RILPL1: variants seen among roughly 807,000 people sequenced by gnomAD.
RILPL1 encodes Rab interacting lysosomal protein like 1, also known as RILP-like protein 1.
RILPL1 carries 33 observed loss-of-function variants against 50.3 expected under a neutral mutation model. The ratio of observed to expected loss-of-function variants is 0.66; its 90% CI spans 0.50 to 0.88. RILPL1 has a LOEUF of 0.88. RILPL1 is among the 40% of genes least tolerant of loss of function. RILPL1 has a pLI of 0.00. For missense variants in RILPL1, 418 were observed against 542.5 expected (o/e 0.77, Z 2.28); for synonymous variants, 205 against 228.6 (o/e 0.90, Z 0.93).
chr12:123,478,995 C>G (rs1199425236), intron 6 of RILPL1, among the ~76,000 whole-genome samples: 1 of 152,180 alleles, frequency 6.6e-6, no homozygotes, highest in Non-Finnish European at 1.5e-5. Flanking sequence ...GGCAGCAAAA[C>G]AGTTCCCTTG....
At chr12:123,526,191 C>T (rs1005472333) in intron 1 of RILPL1, among the ~76,000 whole-genome samples, 2 of 151,606 alleles carry the variant, frequency 1.3e-5, no homozygotes, top group African/African-American at 2.4e-5. Context: ...CTGTAATCCC[C>T]GCTACTTGGG....
rs368525467 is a variant in RILPL1 at position 123,517,423 on chromosome 12, TG to T, written c.460+6071del. Among the ~76,000 whole-genome samples the T allele has an allele frequency of 2.2e-3, 287 of 130,324 alleles. 1 individual carries two copies. Among genetic ancestry groups the T allele is most frequent in the South Asian group, 0.017 (75 of 4,318 alleles). The allele number at this position is 130,324 out of a possible 152,430, so 85.5% of individuals were successfully genotyped here. ...GAGGGCACAGCAATTTTGTTGTTATTGTTTTTTTTTTTTTTTTTTGCGAGTC... is the reference window on the plus strand; with the variant it reads ...GAGGGCACAGCAATTTTGTTGTTATTTTTTTTTTTTTTTTTTTTGCGAGTC... On this transcript the variant is annotated intron_variant, in intron 2 of 6. Transcript: ENST00000376874.
intron 2 of RILPL1, among the ~76,000 whole-genome samples, chr12:123,517,412 TTTG>T (rs1593596255): frequency 6.8e-6 from 1 of 146,644 alleles, no homozygotes; most frequent in African/African-American, 2.6e-5. Flanking sequence ...GCACAGCAAT[TTTG>T]TTGTTATTGT....
chr12:123,533,133 G>A lies in RILPL1; in HGVS notation c.309+41C>T. 6.7e-7 allele frequency: 1 copy of A among 1,487,984 alleles called. No individual in the cohort carries two copies. Among genetic ancestry groups the A allele is most frequent in the Non-Finnish European group, 9.0e-7 (1 of 1,117,146 alleles). The allele number at this position is 1,487,984 out of a possible 1,614,324, so 92.2% of individuals were successfully genotyped here. ...TGCGGAAGAGCCCTTGGGTCCCCGC[G>A]GTCCCACTGCCCGGACGGACAGACC... On this transcript the variant is annotated intron_variant, in intron 1 of 6. Coordinates refer to ENST00000376874, the MANE Select transcript of RILPL1 (RefSeq NM_178314.5). This position sits in a 1 kb window ranked among gnomAD's most constrained non-coding sequence, Gnocchi z 6.2.
intron 4 of RILPL1, among the ~76,000 whole-genome samples, chr12:123,490,568 G>A (rs1882625247): frequency 6.6e-6 from 1 of 151,926 alleles, no homozygotes; most frequent in African/African-American, 2.4e-5. Flanking sequence ...ATCCCAGCAA[G>A]GTATGCAAAA....
At chr12:123,511,708 CTGTG>C (rs754039571) in intron 2 of RILPL1, among the ~76,000 whole-genome samples, 74 of 63,060 alleles carry the variant, frequency 1.2e-3, no homozygotes, top group Non-Finnish European at 1.5e-3. Context: ...GGTGTGAGAT[CTGTG>C]TGTGTGTGAG....
chr12:123,511,128 CTA>C (rs144372679), intron 2 of RILPL1, among the ~76,000 whole-genome samples: 9 of 99,578 alleles, frequency 9.0e-5, no homozygotes, highest in African/African-American at 1.3e-4. Context: ...TGTGTGAGGT[CTA>C]TGTGTGTGTG....
chr12:123,530,719 TTG>T (rs1885415325), intron 1 of RILPL1, among the ~76,000 whole-genome samples: 1 of 152,222 alleles, frequency 6.6e-6, no homozygotes, highest in Non-Finnish European at 1.5e-5. Context: ...TAGAATTTAT[TTG>T]TGTTTTCCCT....
rs536373065 is a variant in RILPL1 at position 123,470,859 on chromosome 12, C to T, written c.*1679G>A. 2.0e-5 allele frequency: 3 copies of T among 152,180 alleles called. No individual in the cohort carries two copies. Among genetic ancestry groups the T allele is most frequent in the Admixed American group, 2.0e-4 (3 of 15,244 alleles). 9.4% of individuals were successfully genotyped at this position (152,180 alleles called of 1,614,324 possible). A position where few individuals can be genotyped will look rare whatever the true frequency, so the allele number is the denominator to read the frequency against. The stretch of plus-strand genomic sequence containing the variant: ...TTTTGGTTACCTGTTGGAAGGGCAA[C>T]AAAGGTGGCCAGGGGTGGGAGAGAA... On this transcript the variant is annotated 3_prime_UTR_variant, in exon 7 of 7. Coordinates refer to ENST00000376874, the MANE Select transcript of RILPL1 (RefSeq NM_178314.5).
chr12:123,499,389 TG>T (rs1566125732), intron 3 of RILPL1, 28 bp downstream of exon 3: 1 of 1,497,328 alleles, frequency 6.7e-7, no homozygotes. Flanking sequence ...GCTGGGAGGG[TG>T]GACGCAGGTC....
At chr12:123,479,027 G>A (rs1442583417) in intron 6 of RILPL1, among the ~76,000 whole-genome samples, 1 of 152,170 alleles carries the variant, frequency 6.6e-6, no homozygotes, top group Non-Finnish European at 1.5e-5. Context: ...CTAGAAATGT[G>A]AAGTCTGACG....
intron 6 of RILPL1, among the ~76,000 whole-genome samples, chr12:123,479,502 A>G (rs1327670906): frequency 6.6e-6 from 1 of 152,040 alleles, no homozygotes; most frequent in African/African-American, 2.4e-5. Flanking sequence ...CGCCTCAGAA[A>G]CTGTCATTCC....
chr12:123,477,337 C>CTTTTTTTT (rs371346379), intron 6 of RILPL1, among the ~76,000 whole-genome samples: 43 of 105,340 alleles, frequency 4.1e-4, no homozygotes, highest in Non-Finnish European at 5.3e-4. Flanking sequence ...TTCTTTCTTT[C>CTTTTTTTT]TTTTTTTTTT....
At chr12:123,511,771 G>C (rs1445523574) in intron 2 of RILPL1, among the ~76,000 whole-genome samples, 4 of 134,266 alleles carry the variant, frequency 3.0e-5, no homozygotes, top group Admixed American at 7.4e-5. Flanking sequence ...TGTGAGGTTT[G>C]TGTGTGTGTG....
rs570115202 is a variant in RILPL1, at chr12:123,525,656, G to A, written c.310-2011C>T. ...GTGGAGGTTGTGGTGAGCTGGGATT[G>A]TACCACTGCACTCCAGCCTGGGTGA... is the stretch of plus-strand genomic sequence containing the variant. On this transcript the variant is annotated intron_variant, in intron 1 of 6. Coordinates refer to ENST00000376874, the MANE Select transcript of RILPL1 (RefSeq NM_178314.5). 1.4e-3 allele frequency among the ~76,000 whole-genome samples: 184 copies of A among 132,742 alleles called. 1 individual carries two copies. The Middle Eastern group carries it at 0.035, about 25-fold the overall frequency. 87.1% of individuals were successfully genotyped at this position (132,742 alleles called of 152,430 possible).
intron 4 of RILPL1, among the ~76,000 whole-genome samples, chr12:123,488,375 A>C (rs1882478696): frequency 6.7e-6 from 1 of 149,312 alleles, no homozygotes; most frequent in African/African-American, 2.5e-5. Context: ...CAGGAAGTGG[A>C]GGCTGCAGTG....
intron 4 of RILPL1, among the ~76,000 whole-genome samples, chr12:123,494,582 G>A (rs954186934): frequency 1.3e-5 from 2 of 152,180 alleles, no homozygotes; most frequent in Admixed American, 6.5e-5. Context: ...GCCTGGCCAG[G>A]AGACCAGCCT....
intron 1 of RILPL1, among the ~76,000 whole-genome samples, chr12:123,528,987 C>T (rs1014870462): frequency 2.6e-5 from 4 of 152,078 alleles, no homozygotes; most frequent in South Asian, 2.1e-4. Flanking sequence ...CTACAAGCCC[C>T]GGCACCTTCC....
At chr12:123,488,823 G>A (rs1480351119) in intron 4 of RILPL1, among the ~76,000 whole-genome samples, 2 of 152,178 alleles carry the variant, frequency 1.3e-5, no homozygotes, top group South Asian at 2.1e-4. Context: ...GCAGCTGAGG[G>A]GCTTCTTCCC....
Sources: gnomAD v4.1 joint callset for allele counts (sites outside exome capture counted in the v4.1 genomes callset) on GRCh38, gnomAD v4.1.1 for gene constraint, Gnocchi (gnomAD v3.1) non-coding constraint, MANE v1.5 for transcripts, NCBI Gene and HGNC (gene_info 2026-07-23, HGNC 2026-07-21) for gene names.